Variants in TSHZ3 observed in about 807,000 individuals in gnomAD.
TSHZ3 encodes teashirt homolog 3.
TSHZ3 carries 10 observed loss-of-function variants against 64.5 expected under a neutral mutation model. The observed-to-expected ratio is 0.16, with a 90% CI of 0.10 to 0.26. The LOEUF (loss-of-function observed/expected upper bound fraction) is 0.26, where lower values mean the gene tolerates loss of function less well. Among genes scored for constraint, TSHZ3 ranks in the 10% least tolerant of loss-of-function variants. The probability of loss-of-function intolerance (pLI) is 1.00; values close to 1 mark genes in which losing one functional copy is unlikely to be tolerated. For synonymous variants in TSHZ3, 608 were observed against 593.1 expected (o/e 1.03, Z -0.36); for missense variants, 1,242 against 1,421.7 (o/e 0.87, Z 2.03).
At chr19:31,183,200 CTCTCTCTCTCTCTCTCTCTCTCTCTCTT>C (rs1974747285) in intron 5 of TSHZ3, among the ~76,000 whole-genome samples, 6 of 69,902 alleles carry the variant, frequency 8.6e-5, no homozygotes, top group Admixed American at 7.5e-4. Flanking sequence ...CTCTCTCTCT[CTCTCTCTCTCTCTCTCTCTCTCTCTCTT>C]TCTCTCTCTC....
intron 5 of TSHZ3, among the ~76,000 whole-genome samples, chr19:31,202,669 A>C (rs1458541287): frequency 6.6e-6 from 1 of 152,162 alleles, no homozygotes; most frequent in Non-Finnish European, 1.5e-5. Flanking sequence ...TCCAAGGGTA[A>C]ACTCTTTTTT....
At position 31,216,690 on chromosome 19, in the gene TSHZ3, G is replaced by C. The variant is rs557395307; in HGVS notation, n.686+11315C>G. Among the ~76,000 whole-genome samples the C allele has an allele frequency of 8.6e-4, 131 of 152,218 alleles. No homozygotes were observed. In the South Asian group the frequency reaches 0.012, roughly 14 times the overall value. On this transcript the variant is annotated intron_variant and non_coding_transcript_variant, in intron 4 of 6. Coordinates refer to the TSHZ3 transcript ENST00000651361. ...CTCACTCTGCCACCCAGGCTGGAGT[G>C]CAGTGGTGCGATCTCGGCTCACTGC...
intron 4 of TSHZ3, among the ~76,000 whole-genome samples, chr19:31,213,356 C>CAAAAAAAAAAAAAAAAAAAAAAAAAAA (rs35192337): frequency 4.3e-5 from 1 of 23,286 alleles, no homozygotes; most frequent in African/African-American, 1.5e-4. Context: ...GACTCTGTCT[C>CAAAAAAAAAAAAAAAAAAAAAAAAAAA]AAAAAAAAAA....
intron 1 of TSHZ3, among the ~76,000 whole-genome samples, chr19:31,252,519 G>C (rs779387036): frequency 6.6e-6 from 1 of 152,196 alleles, no homozygotes; most frequent in African/African-American, 2.4e-5. Context: ...CCAGGTGGGA[G>C]TAACTGGATC....
intron 1 of TSHZ3, among the ~76,000 whole-genome samples, chr19:31,263,217 A>G (rs1268692577): frequency 1.3e-5 from 2 of 152,168 alleles, no homozygotes; most frequent in Non-Finnish European, 2.9e-5. Flanking sequence ...TCTCCTCCAA[A>G]TTCTCAAGGC....
chr19:31,193,121 T>C (rs528326459), intron 5 of TSHZ3, among the ~76,000 whole-genome samples: 73 of 152,212 alleles, frequency 4.8e-4, no homozygotes, highest in African/African-American at 1.5e-3. Context: ...AGAGAAAGGA[T>C]CTTCTCTTGT....
At chr19:31,335,570 C>G (rs957378639) in intron 1 of TSHZ3, among the ~76,000 whole-genome samples, 6 of 152,226 alleles carry the variant, frequency 3.9e-5, no homozygotes, top group Non-Finnish European at 8.8e-5. Flanking sequence ...ACTCAAGAGA[C>G]TGGTTGTCTC....
At chr19:31,335,533 T>G (rs1422035182) in intron 1 of TSHZ3, among the ~76,000 whole-genome samples, 1 of 152,218 alleles carries the variant, frequency 6.6e-6, no homozygotes, top group Non-Finnish European at 1.5e-5. Flanking sequence ...ATACTGACCT[T>G]AAGGACCACT....
intron 3 of TSHZ3, among the ~76,000 whole-genome samples, chr19:31,240,690 G>A (rs183371353): frequency 1.6e-4 from 24 of 152,000 alleles, no homozygotes; most frequent in Non-Finnish European, 1.5e-5. Flanking sequence ...AGGTCCATAA[G>A]GTTCTGTTTA....
chr19:31,187,975 G>C (rs1432349337), intron 5 of TSHZ3, among the ~76,000 whole-genome samples: 4 of 152,060 alleles, frequency 2.6e-5, no homozygotes, highest in Non-Finnish European at 4.4e-5. Flanking sequence ...ATTTCTATTT[G>C]GATAGCAGTG....
At chr19:31,154,918 T>G (rs1599550477) in intron 6 of TSHZ3, among the ~76,000 whole-genome samples, 1 of 152,350 alleles carries the variant, frequency 6.6e-6, no homozygotes, top group Non-Finnish European at 1.5e-5. Context: ...TGCCATGTGT[T>G]GTCTCATTTT....
intron 5 of TSHZ3, among the ~76,000 whole-genome samples, chr19:31,163,570 A>G (rs779057810): frequency 4.1e-4 from 62 of 152,134 alleles, no homozygotes; most frequent in Non-Finnish European, 6.9e-4. Flanking sequence ...ACCTCTACTA[A>G]AAACACAAAA....
intron 1 of TSHZ3, among the ~76,000 whole-genome samples, chr19:31,341,628 CTG>C (rs1183732834): frequency 2.8e-3 from 313 of 112,388 alleles, no homozygotes; most frequent in Non-Finnish European, 4.1e-3. Flanking sequence ...CTCTCTCTCT[CTG>C]ACACACACAC....
intron 1 of TSHZ3, among the ~76,000 whole-genome samples, chr19:31,249,092 G>C (rs1975798413): frequency 6.6e-6 from 1 of 151,924 alleles, no homozygotes; most frequent in Non-Finnish European, 1.5e-5. Flanking sequence ...TACACAGGGA[G>C]GTGAGGGCCT....
chr19:31,279,158 CTGGCCCCCGTGAAGA>C lies in TSHZ3; in HGVS notation c.620_634del (p.Ile207_Ala211del). 1 of 1,612,918 alleles carries C rather than the reference CTGGCCCCCGTGAAGA, an allele frequency of 6.2e-7. No individual in the cohort carries two copies. Among genetic ancestry groups the C allele is most frequent in the South Asian group, 1.1e-5 (1 of 91,060 alleles). ...GCTGCAGTCCTTACAGCGGAACTTG[CTGGCCCCCGTGAAGA>C]TGGAGCCATAGAGCTTGCTGCTCTG... On this transcript the variant is annotated inframe_deletion, in exon 2 of 2. Coordinates refer to ENST00000240587, the MANE Select transcript of TSHZ3 (RefSeq NM_020856.4). This position sits in a 1 kb window ranked among gnomAD's most constrained non-coding sequence, Gnocchi z 6.4.
intron 5 of TSHZ3, among the ~76,000 whole-genome samples, chr19:31,170,055 C>A (rs1216925447): frequency 6.6e-6 from 1 of 152,148 alleles, no homozygotes; most frequent in Admixed American, 6.5e-5. Context: ...GTTTTGAAAG[C>A]CATGGAGCCT....
chr19:31,226,244 T>C (rs1599593088), intron 4 of TSHZ3, among the ~76,000 whole-genome samples: 1 of 152,100 alleles, frequency 6.6e-6, no homozygotes, highest in East Asian at 1.9e-4. Context: ...CCATTTGATA[T>C]GGTTTCTGTG....
chr19:31,235,701 T>TC (rs1362985508), intron 3 of TSHZ3, among the ~76,000 whole-genome samples: 6 of 124,708 alleles, frequency 4.8e-5, no homozygotes, highest in East Asian at 2.1e-4. Flanking sequence ...CTCTTCTTCT[T>TC]TTTTTTTTTT....
At chr19:31,244,286 T>C (rs1035998750) in intron 1 of TSHZ3, among the ~76,000 whole-genome samples, 1 of 151,994 alleles carries the variant, frequency 6.6e-6, no homozygotes, top group Admixed American at 6.6e-5. Flanking sequence ...TGTTTAAAAG[T>C]GTGTGCACCT....
Sources: gnomAD v4.1 joint callset for allele counts (sites outside exome capture counted in the v4.1 genomes callset) on GRCh38, gnomAD v4.1.1 for gene constraint, Gnocchi (gnomAD v3.1) non-coding constraint, MANE v1.5 for transcripts, NCBI Gene and HGNC (gene_info 2026-07-23, HGNC 2026-07-21) for gene names.